Variants in IMMP2L observed in about 807,000 individuals in gnomAD.
IMMP2L encodes the protein mitochondrial inner membrane protease subunit 2.
IMMP2L carries 18 observed loss-of-function variants against 19.3 expected under a neutral mutation model. The observed-to-expected ratio is 0.93, with a 90% CI of 0.64 to 1.38. The LOEUF (loss-of-function observed/expected upper bound fraction) is 1.38, where lower values mean the gene tolerates loss of function less well. Among genes scored for constraint, IMMP2L ranks in the 40% most tolerant of loss-of-function variants. The pLI, the probability that IMMP2L is intolerant of heterozygous loss-of-function variation, is 0.00. For missense variants in IMMP2L, 233 were observed against 218.2 expected (o/e 1.07, Z -0.43); for synonymous variants, 76 against 73.0 (o/e 1.04, Z -0.21).
chr7:110,965,530 AAATCAAGTAAATATT>A (rs1563118044), intron 3 of IMMP2L, among the ~76,000 whole-genome samples: 1 of 151,928 alleles, frequency 6.6e-6, no homozygotes, highest in Non-Finnish European at 1.5e-5. Flanking sequence ...TCCCTTTATT[AAATCAAGTAAATATT>A]ATATTTCTAT....
At chr7:110,960,539 G>A (rs923262751) in intron 4 of IMMP2L, among the ~76,000 whole-genome samples, 3 of 151,768 alleles carry the variant, frequency 2.0e-5, no homozygotes, top group South Asian at 2.1e-4. Context: ...GATTTGCATC[G>A]TATCTATATA....
At chr7:111,023,830 A>T (rs1405820724) in intron 3 of IMMP2L, among the ~76,000 whole-genome samples, 1 of 152,216 alleles carries the variant, frequency 6.6e-6, no homozygotes, top group African/African-American at 2.4e-5. Context: ...ACCATTTAGA[A>T]TCACATATGC....
intron 3 of IMMP2L, among the ~76,000 whole-genome samples, chr7:111,137,328 T>C (rs1289257840): frequency 6.6e-6 from 1 of 152,192 alleles, no homozygotes; most frequent in Non-Finnish European, 1.5e-5. Flanking sequence ...AAAAATGGTA[T>C]TTTCCATTGG....
intron 3 of IMMP2L, among the ~76,000 whole-genome samples, chr7:111,051,980 T>C (rs1793048518): frequency 6.6e-6 from 1 of 152,214 alleles, no homozygotes; most frequent in African/African-American, 2.4e-5. Context: ...TAGTTATCCA[T>C]GCTCCCTTTG....
chr7:110,791,902 G>C lies in IMMP2L; in HGVS notation c.408+94691C>G, dbSNP rs1800482168. Among the ~76,000 whole-genome samples, 3 of 151,862 alleles carry C rather than the reference G, an allele frequency of 2.0e-5. No individual in the cohort carries two copies. In the South Asian group the frequency reaches 6.2e-4, roughly 31 times the overall value. On this transcript the variant is annotated intron_variant, in intron 5 of 5. Coordinates refer to ENST00000405709, the MANE Select transcript of IMMP2L (RefSeq NM_032549.4). ...CTGCCCTGGAAAGGGCAAATGATGA[G>C]GTGGAGAGAAGCAGGGGCATGTCTT... is the stretch of plus-strand genomic sequence containing the variant.
intron 5 of IMMP2L, among the ~76,000 whole-genome samples, chr7:110,810,729 C>T (rs1801979989): frequency 6.6e-6 from 1 of 151,978 alleles, no homozygotes; most frequent in Non-Finnish European, 1.5e-5. Context: ...GATAAACAGA[C>T]CACAGCCTAA....
chr7:111,226,822 C>T (rs138862110), intron 3 of IMMP2L, among the ~76,000 whole-genome samples: 259 of 152,080 alleles, frequency 1.7e-3, no homozygotes, highest in African/African-American at 5.1e-3. Flanking sequence ...TTGTAACATG[C>T]TTTTTGGTAA....
intron 3 of IMMP2L, among the ~76,000 whole-genome samples, chr7:111,220,646 C>A (rs1288691887): frequency 6.6e-6 from 1 of 151,378 alleles, no homozygotes; most frequent in Non-Finnish European, 1.5e-5. Flanking sequence ...AGAGAGAAGA[C>A]AGACAGAGAC....
chr7:111,377,480 C>T (rs1013574270), intron 3 of IMMP2L, among the ~76,000 whole-genome samples: 5 of 151,940 alleles, frequency 3.3e-5, no homozygotes, highest in Admixed American at 2.0e-4. Context: ...GCACCTGTTC[C>T]TGTGGTAAAC....
chr7:110,819,015 C>T (rs567250846), intron 5 of IMMP2L, among the ~76,000 whole-genome samples: 6 of 151,104 alleles, frequency 4.0e-5, no homozygotes, highest in Middle Eastern at 3.4e-3. Context: ...ATGTAAATGA[C>T]GACTTAATAT....
At chr7:111,552,344 C>G (rs756403340) in intron 1 of IMMP2L, among the ~76,000 whole-genome samples, 20 of 152,242 alleles carry the variant, frequency 1.3e-4, no homozygotes, top group Non-Finnish European at 2.5e-4. Context: ...CTGGAGTGCA[C>G]GGGCACAATC....
chr7:111,268,752 C>A lies in IMMP2L; in HGVS notation c.239+218486G>T, dbSNP rs1818128738. ...GGGACCACAGGCGAGCACCACCATG[C>A]CTGGCTAATTTTAATTTTTCTATTT... On this transcript the variant is annotated intron_variant, in intron 3 of 5. Coordinates refer to ENST00000405709, the MANE Select transcript of IMMP2L (RefSeq NM_032549.4). Among the ~76,000 whole-genome samples, 3 of 151,306 alleles carry A rather than the reference C, an allele frequency of 2.0e-5. No individual in the cohort carries two copies. In the South Asian group the frequency reaches 6.3e-4, roughly 32 times the overall value.
At chr7:111,154,764 T>C (rs1231591427) in intron 3 of IMMP2L, among the ~76,000 whole-genome samples, 1 of 152,128 alleles carries the variant, frequency 6.6e-6, no homozygotes, top group African/African-American at 2.4e-5. Context: ...TTGTTATTGT[T>C]GTTTTTTGAC....
intron 5 of IMMP2L, among the ~76,000 whole-genome samples, chr7:110,730,570 C>G (rs1344376410): frequency 2.0e-5 from 3 of 151,634 alleles, no homozygotes; most frequent in African/African-American, 7.3e-5. Flanking sequence ...GCTCTGTTGC[C>G]CAGGCTGGAG....
chr7:111,351,507 T>C lies in IMMP2L; in HGVS notation c.239+135731A>G, dbSNP rs965471954. Among the ~76,000 whole-genome samples, 9 of 152,132 alleles carry C rather than the reference T, an allele frequency of 5.9e-5. No homozygotes were observed. The South Asian group carries it at 6.2e-4, about 10-fold the overall frequency. On this transcript the variant is annotated intron_variant, in intron 3 of 5. Coordinates refer to ENST00000405709, the MANE Select transcript of IMMP2L (RefSeq NM_032549.4). ...CCCGGCCCATCTTTTTTACTTACAC[T>C]GCACTGTGTAACTCCCAATTCCTGA...
chr7:110,787,498 A>T (rs1045131539), intron 5 of IMMP2L, among the ~76,000 whole-genome samples: 2 of 151,936 alleles, frequency 1.3e-5, no homozygotes, highest in Non-Finnish European at 1.5e-5. Context: ...GTTGCCAAGG[A>T]CAATCTTGGT....
rs762576425 is a variant in IMMP2L at position 111,268,569 on chromosome 7, C to CTTTTTTTTTTTTTT, written c.239+218655_239+218668dup. On this transcript the variant is annotated intron_variant, in intron 3 of 5. Transcript: ENST00000405709. ...GATATGAGTTAAACTTCACATTTCT[C>CTTTTTTTTTTTTTT]TTTTTTTTTTTTTTTTTTTTTTTTT... 7.0e-4 allele frequency among the ~76,000 whole-genome samples: 31 copies of CTTTTTTTTTTTTTT among 44,590 alleles called. 6 individuals are homozygous for CTTTTTTTTTTTTTT. The highest frequency in any genetic ancestry group is 9.5e-4 in the South Asian group (1 of 1,048). 29.3% of individuals were successfully genotyped at this position (44,590 alleles called of 152,430 possible).
At chr7:111,499,576 T>A (rs931711915) in intron 2 of IMMP2L, among the ~76,000 whole-genome samples, 3 of 151,864 alleles carry the variant, frequency 2.0e-5, no homozygotes, top group Non-Finnish European at 4.4e-5. Context: ...ACCAAACATA[T>A]AATGGAAAGA....
chr7:111,485,521 C>G (rs1173108389), intron 3 of IMMP2L, among the ~76,000 whole-genome samples: 1 of 135,146 alleles, frequency 7.4e-6, no homozygotes, highest in African/African-American at 2.7e-5. Context: ...TGGCCTGAAC[C>G]CAGGAGGCGG....
Sources: allele counts gnomAD v4.1 joint callset (sites outside exome capture counted in the v4.1 genomes callset), GRCh38; gene constraint gnomAD v4.1.1; transcripts MANE v1.5; gene names NCBI Gene and HGNC (gene_info 2026-07-23, HGNC 2026-07-21).